The following LNPEP variants were observed in gnomAD, a reference collection of about 807,000 sequenced individuals.
LNPEP encodes the protein leucyl and cystinyl aminopeptidase.
Under a neutral mutation model 120.6 loss-of-function variants are expected in LNPEP, and 64 were observed. The ratio of observed to expected loss-of-function variants is 0.53; its 90% CI spans 0.43 to 0.65. The LOEUF (loss-of-function observed/expected upper bound fraction) is 0.65, where lower values mean the gene tolerates loss of function less well. Among genes scored for constraint, LNPEP ranks in the 30% least tolerant of loss-of-function variants. LNPEP has a pLI of 0.00. For synonymous variants in LNPEP, 435 were observed against 425.4 expected, an observed-to-expected ratio of 1.02 and a Z score of -0.28; for missense variants, 1,057 against 1,200.0, an observed-to-expected ratio of 0.88 and a Z score of 1.76.
At chr5:97,019,917 T>A (rs529224113) in intron 13 of LNPEP, among the ~76,000 whole-genome samples, 7 of 152,278 alleles carry the variant, frequency 4.6e-5, no homozygotes, top group African/African-American at 1.7e-4. Flanking sequence ...GTTAGGTATG[T>A]CAAGTGGGAT....
Position 97,035,483 on chromosome 5 carries a change from C to T in LNPEP, c.*6950C>T, listed in dbSNP as rs1298925652. The T allele has an allele frequency of 1.3e-5, 2 of 151,990 alleles. No individual in the cohort carries two copies. The highest frequency in any genetic ancestry group is 2.9e-5 in the Non-Finnish European group (2 of 67,976). 9.4% of individuals were successfully genotyped at this position (151,990 alleles called of 1,614,324 possible). On this transcript the variant is annotated 3_prime_UTR_variant, in exon 18 of 18. Transcript: ENST00000231368. The stretch of plus-strand genomic sequence containing the variant: ...TCATATCTTTATTTCATTTTGTAGT[C>T]TTTTGCATGGCTATGTAGGGACCTA...
chr5:96,963,077 C>A (rs571271509), intron 1 of LNPEP, among the ~76,000 whole-genome samples: 1 of 152,258 alleles, frequency 6.6e-6, no homozygotes, highest in African/African-American at 2.4e-5. Flanking sequence ...CCTTATGTTT[C>A]TGAGTTGAAA....
At chr5:97,021,918 C>CTTTTTTTTTTTTTTTTT (rs1561455270) in intron 13 of LNPEP, among the ~76,000 whole-genome samples, 1 of 50,010 alleles carries the variant, frequency 2.0e-5, no homozygotes, top group African/African-American at 7.9e-5. Flanking sequence ...TGTTTTTTGT[C>CTTTTTTTTTTTTTTTTT]TTTTGTTTTT....
At chr5:96,948,186 C>T (rs1379848075) in intron 1 of LNPEP, among the ~76,000 whole-genome samples, 1 of 151,180 alleles carries the variant, frequency 6.6e-6, no homozygotes, top group South Asian at 2.1e-4. Flanking sequence ...GGCACGATCT[C>T]GGCTCACTGC....
chr5:97,015,142 G>A (rs2303139), intron 13 of LNPEP, 47 bp downstream of exon 13: 2 of 1,323,890 alleles, frequency 1.5e-6, no homozygotes, highest in Admixed American at 5.3e-5. Flanking sequence ...CTTTAATATT[G>A]TTATTCATGG....
rs938209329 is a variant in LNPEP, at chr5:96,964,558, G to A, written c.20-14580G>A. Reference sequence around the variant, plus strand: ...GTCTGCATAATATCTTATTCAGTATGAATATACCTATCCCTTGTTGTTTTA... The same window carrying A: ...GTCTGCATAATATCTTATTCAGTATAAATATACCTATCCCTTGTTGTTTTA... On this transcript the variant is annotated intron_variant, in intron 1 of 17. Coordinates refer to ENST00000231368, the MANE Select transcript of LNPEP (RefSeq NM_005575.3). Among the ~76,000 whole-genome samples the A allele has an allele frequency of 4.6e-5, 7 of 152,132 alleles. No homozygotes were observed. In the East Asian group the frequency reaches 1.4e-3, roughly 29 times the overall value.
intron 1 of LNPEP, among the ~76,000 whole-genome samples, chr5:96,974,997 C>T (rs1053276763): frequency 6.6e-6 from 1 of 152,118 alleles, no homozygotes; most frequent in Admixed American, 6.6e-5. Flanking sequence ...CATATCTGCA[C>T]AGGTGATTCG....
chr5:96,983,245 A>G (rs997720100), intron 2 of LNPEP, among the ~76,000 whole-genome samples: 10 of 152,178 alleles, frequency 6.6e-5, no homozygotes, highest in African/African-American at 1.7e-4. Flanking sequence ...GAGAGAGGCT[A>G]CCACCTCCAA....
rs767989173 is a variant in LNPEP at position 97,003,397 on chromosome 5, CA to C, written c.1654-17del. The C allele has an allele frequency of 5.9e-5, 79 of 1,338,688 alleles. No individual in the cohort carries two copies. Among genetic ancestry groups the C allele is most frequent in the Middle Eastern group, 4.5e-4 (2 of 4,422 alleles). 82.9% of individuals were successfully genotyped at this position (1,338,688 alleles called of 1,614,324 possible). On this transcript the variant is annotated splice_polypyrimidine_tract_variant and intron_variant, in intron 8 of 17. Transcript: ENST00000231368. ...TTCTATTATTTTCTTTCTTTTTCCT[CA>C]CTTTTTTTTTTAATAGGGATCTTCT... is the stretch of plus-strand genomic sequence containing the variant.
At position 97,023,922 on chromosome 5, in the gene LNPEP, T is replaced by C. The variant is rs140219467; in HGVS notation, c.2562-599T>C. On this transcript the variant is annotated intron_variant, in intron 14 of 17. Transcript: ENST00000231368. The stretch of plus-strand genomic sequence containing the variant: ...TAATGGGTGTGAGGTGATAAACAAG[T>C]CTCTTAATTTAGAAATAAAACATAG... Among the ~76,000 whole-genome samples, 536 of 152,274 alleles carry C rather than the reference T, an allele frequency of 3.5e-3. 2 individuals are homozygous for C. Among genetic ancestry groups the C allele is most frequent in the Middle Eastern group, 0.02 (6 of 294 alleles).
chr5:96,975,237 A>C (rs1789960174), intron 1 of LNPEP, among the ~76,000 whole-genome samples: 1 of 152,156 alleles, frequency 6.6e-6, no homozygotes, highest in African/African-American at 2.4e-5. Context: ...TATCTGACAG[A>C]TATATCCTAC....
rs1433884778 is a variant in LNPEP, at chr5:96,979,211, C to G, written c.93C>G (p.Ala31=). Residue 31 remains alanine (A), a synonymous_variant, in exon 2 of 18, where the codon GCC becomes GCG. Coordinates refer to ENST00000231368, the MANE Select transcript of LNPEP (RefSeq NM_005575.3). ...AAGAACCAGATGTGGTGGATTTAGC[C>G]AAAGAGCCTTGTTTACATCCTCTAG... ...FEEEPDVVDL[A]KEPCLHPLEP... is the part of the protein sequence containing the mutation. 6.2e-7 allele frequency: 1 copy of G among 1,613,720 alleles called. No homozygotes were observed. The highest frequency in any genetic ancestry group is 8.5e-7 in the Non-Finnish European group (1 of 1,179,836).
At chr5:96,938,565 G>A (rs1007409293) in intron 1 of LNPEP, among the ~76,000 whole-genome samples, 5 of 151,898 alleles carry the variant, frequency 3.3e-5, no homozygotes, top group Admixed American at 3.3e-4. Flanking sequence ...ATTCCAGTAC[G>A]TTTTTTTTGT....
At chr5:96,984,689 G>C (rs1360772318) in intron 2 of LNPEP, among the ~76,000 whole-genome samples, 1 of 152,160 alleles carries the variant, frequency 6.6e-6, no homozygotes, top group East Asian at 1.9e-4. Flanking sequence ...TACTGAAACA[G>C]TTGTTATGGA....
Position 97,028,721 on chromosome 5 carries a change from G to A in LNPEP, c.*188G>A. 5.9e-6 allele frequency: 3 copies of A among 509,914 alleles called. No individual in the cohort carries two copies. Among genetic ancestry groups the A allele is most frequent in the South Asian group, 5.3e-5 (2 of 37,994 alleles). 31.6% of individuals were successfully genotyped at this position (509,914 alleles called of 1,614,324 possible). On this transcript the variant is annotated 3_prime_UTR_variant, in exon 18 of 18. Coordinates refer to ENST00000231368, the MANE Select transcript of LNPEP (RefSeq NM_005575.3). ...TTTCTGAAGTGTCTTTGGGCAGTAT[G>A]TAGTTATTTATTACAAAATTATATT...
chr5:96,942,735 G>A (rs1438447222), intron 1 of LNPEP, among the ~76,000 whole-genome samples: 1 of 129,252 alleles, frequency 7.7e-6, no homozygotes, highest in African/African-American at 2.8e-5. Flanking sequence ...GGAGTCGGGG[G>A]AGGGGGGAGG....
chr5:96,979,849 C>T lies in LNPEP; in HGVS notation c.731C>T (p.Ala244Val). The change falls in exon 2 of 18, where the codon GCC (alanine) becomes GTC (valine). Residue 244 changes from alanine (A) to valine (V), a missense_variant. By Grantham distance (64) the Ala-to-Val change is moderately conservative. Coordinates refer to ENST00000231368, the MANE Select transcript of LNPEP (RefSeq NM_005575.3). Reference sequence around the variant, plus strand: ...GAATATGCATATCATGGACAGATCGCCATTGTTGCCCCCGAAGCCCTTCTA... The same window carrying T: ...GAATATGCATATCATGGACAGATCGTCATTGTTGCCCCCGAAGCCCTTCTA... ...ILEYAYHGQIAIVAPEALLAG... is the reference protein window; with the variant it reads ...ILEYAYHGQIVIVAPEALLAG... 6.2e-7 allele frequency: 1 copy of T among 1,614,024 alleles called. No homozygotes were observed.
At chr5:96,941,428 A>G (rs1027988496) in intron 1 of LNPEP, among the ~76,000 whole-genome samples, 3 of 152,148 alleles carry the variant, frequency 2.0e-5, no homozygotes, top group African/African-American at 4.8e-5. Flanking sequence ...AGGCCTTTCC[A>G]TAGTATAATT....
intron 11 of LNPEP, among the ~76,000 whole-genome samples, chr5:97,012,695 A>G (rs1790967363): frequency 6.6e-6 from 1 of 152,168 alleles, no homozygotes; most frequent in African/African-American, 2.4e-5. Flanking sequence ...TTTCTTCATT[A>G]GCAGTTTTAA....
Sources: allele counts gnomAD v4.1 joint callset (sites outside exome capture counted in the v4.1 genomes callset), GRCh38; gene constraint gnomAD v4.1.1; transcripts MANE v1.5; gene names NCBI Gene and HGNC (gene_info 2026-07-23, HGNC 2026-07-21).